The following RP1L1 variants were observed in gnomAD, a reference collection of about 807,000 sequenced individuals.
RP1L1 encodes the protein RP1 like 1.
RP1L1 carries 27 observed loss-of-function variants against 15.7 expected under a neutral mutation model. That is an observed-to-expected ratio of 1.72 (90% CI 1.27 to 2.38). RP1L1 has a LOEUF of 2.38. Ranked by LOEUF, RP1L1 falls within the 30% of genes most tolerant of loss-of-function variation. The pLI is 0.00. For missense variants in RP1L1, 4,798 were observed against 3,075.9 expected (o/e 1.56, Z -13.24); for synonymous variants, 1,813 against 1,276.7 (o/e 1.42, Z -8.96).
intron 1 of RP1L1, among the ~76,000 whole-genome samples, chr8:10,631,262 C>T (rs376493688): frequency 2.6e-5 from 4 of 150,976 alleles, no homozygotes; most frequent in Admixed American, 6.6e-5. Context: ...TGCACACACA[C>T]GCACACAAAC....
At chr8:10,623,937 C>A (rs893286359) in intron 1 of RP1L1, among the ~76,000 whole-genome samples, 1 of 151,246 alleles carries the variant, frequency 6.6e-6, no homozygotes, top group East Asian at 2.0e-4. Context: ...CCACTGTGTC[C>A]CCAGCACCTC....
At chr8:10,637,976 GCAA>G (rs1563138175) in intron 1 of RP1L1, among the ~76,000 whole-genome samples, 1 of 152,200 alleles carries the variant, frequency 6.6e-6, no homozygotes, top group East Asian at 1.9e-4. Context: ...GGTCCCCTTT[GCAA>G]CAAGAATAGG....
At chr8:10,614,647 T>TA (rs1797935873) in intron 3 of RP1L1, among the ~76,000 whole-genome samples, 1 of 111,010 alleles carries the variant, frequency 9.0e-6, no homozygotes, top group Admixed American at 1.3e-4. Flanking sequence ...GGTGACAGGG[T>TA]AAGATTCTGT....
chr8:10,631,510 G>T (rs563971269), intron 1 of RP1L1, among the ~76,000 whole-genome samples: 1 of 152,198 alleles, frequency 6.6e-6, no homozygotes, highest in Non-Finnish European at 1.5e-5. Flanking sequence ...TCTTTTCCGT[G>T]TATAGCAGGA....
chr8:10,632,433 C>A (rs1162585119), intron 1 of RP1L1, among the ~76,000 whole-genome samples: 2 of 152,224 alleles, frequency 1.3e-5, no homozygotes, highest in African/African-American at 4.8e-5. Flanking sequence ...CTGAGCTATG[C>A]AATCTGACTT....
chr8:10,650,375 C>G (rs1385377985), intron 1 of RP1L1, among the ~76,000 whole-genome samples: 1 of 152,126 alleles, frequency 6.6e-6, no homozygotes, highest in Non-Finnish European at 1.5e-5. Flanking sequence ...CAGCTTCGAC[C>G]AAAGGGGCCA....
intron 3 of RP1L1, among the ~76,000 whole-genome samples, chr8:10,614,336 A>G (rs1797929605): frequency 6.6e-6 from 1 of 152,214 alleles, no homozygotes; most frequent in South Asian, 2.1e-4. Context: ...AAGAGAAGAA[A>G]GGGCTGCTAA....
At chr8:10,618,804 G>C (rs1261679293) in intron 2 of RP1L1, among the ~76,000 whole-genome samples, 3 of 152,252 alleles carry the variant, frequency 2.0e-5, no homozygotes, top group Non-Finnish European at 4.4e-5. Context: ...CTCTCTTTCT[G>C]GTATGCTTTC....
intron 1 of RP1L1, among the ~76,000 whole-genome samples, chr8:10,639,091 G>A (rs1363036332): frequency 1.3e-5 from 2 of 151,820 alleles, no homozygotes; most frequent in Admixed American, 1.3e-4. Flanking sequence ...GTTGCAGTGA[G>A]CCGAGATCGG....
chr8:10,621,461 G>C, intron 2 of RP1L1: 1 of 299,774 alleles, frequency 3.3e-6, no homozygotes, highest in Non-Finnish European at 6.5e-6. Context: ...GAGTAGCTGG[G>C]ATTACAGGTG....
chr8:10,631,443 A>G (rs74627147), intron 1 of RP1L1, among the ~76,000 whole-genome samples: 5 of 121,884 alleles, frequency 4.1e-5, no homozygotes, highest in Admixed American at 2.3e-4. Context: ...ACACACACGC[A>G]CACACACACT....
At chr8:10,637,820 G>T (rs1798352013) in intron 1 of RP1L1, among the ~76,000 whole-genome samples, 1 of 152,194 alleles carries the variant, frequency 6.6e-6, no homozygotes, top group South Asian at 2.1e-4. Context: ...AGGAAAAATG[G>T]ATCAGCTTCA....
At chr8:10,625,491 A>G (rs1798142446) in intron 1 of RP1L1, among the ~76,000 whole-genome samples, 1 of 33,788 alleles carries the variant, frequency 3.0e-5, no homozygotes. Flanking sequence ...CTGGGGGTCA[A>G]GTGGGGAGCC....
chr8:10,638,852 C>G (rs949144581), intron 1 of RP1L1, among the ~76,000 whole-genome samples: 1 of 152,106 alleles, frequency 6.6e-6, no homozygotes, highest in African/African-American at 2.4e-5. Context: ...TCTGATAGAG[C>G]AAGCAAGCAC....
chr8:10,633,833 C>T (rs960577411), intron 1 of RP1L1, among the ~76,000 whole-genome samples: 2 of 152,214 alleles, frequency 1.3e-5, no homozygotes, highest in African/African-American at 4.8e-5. Flanking sequence ...CAATTAATCT[C>T]CACATAGTTC....
chr8:10,650,547 G>A (rs960315444), intron 1 of RP1L1, among the ~76,000 whole-genome samples: 9 of 150,180 alleles, frequency 6.0e-5, no homozygotes, highest in Admixed American at 2.7e-4. Flanking sequence ...GCAAGACTCC[G>A]TAGTTCTTTT....
Position 10,611,726 on chromosome 8 carries a change from C to G in RP1L1, c.2372G>C (p.Ser791Thr). The stretch of plus-strand genomic sequence containing the variant: ...CGTGTCCCTGGCCTCTTCCCCCAGG[C>G]TGGCAGCCCCAGATTTTGAGCAGGA... ...SDSCSKSGAA[S>T]LGEEARDTPQ... is the part of the protein sequence containing the mutation. The change falls in exon 4 of 4, where the codon AGC (serine) becomes ACC (threonine). Residue 791 changes from serine (S) to threonine (T), a missense_variant. Transcript: ENST00000382483. 1 of 1,613,582 alleles carries G rather than the reference C, an allele frequency of 6.2e-7. No individual in the cohort carries two copies. Among genetic ancestry groups the G allele is most frequent in the Non-Finnish European group, 8.5e-7 (1 of 1,179,966 alleles).
chr8:10,653,578 A>ACACACCCACACCCACATCACATGTGCG (rs1353691887), intron 1 of RP1L1, among the ~76,000 whole-genome samples: 3 of 151,958 alleles, frequency 2.0e-5, no homozygotes, highest in Non-Finnish European at 4.4e-5. Flanking sequence ...ACTCATGTGC[A>ACACACCCACACCCACATCACATGTGCG]CACACCCACA....
In RP1L1 at chr8:10,623,106, T is replaced by C. The variant is rs758542129; in HGVS notation, c.96A>G (p.Pro32=). 4.1e-5 allele frequency: 66 copies of C among 1,613,388 alleles called. No individual in the cohort carries two copies. Among genetic ancestry groups the C allele is most frequent in the Non-Finnish European group, 5.3e-5 (62 of 1,179,724 alleles). ...ARTPSVTKVT[P]AKKITFLKRG... is the part of the protein sequence containing the mutation. ...GCTTGAGGAAGGTGATCTTCTTGGC[T>C]GGCGTGACCTTGGTGACCGAGGGGG... Residue 32 remains proline, a synonymous_variant, in exon 2 of 4, where the codon CCA becomes CCG. Coordinates refer to ENST00000382483, the MANE Select transcript of RP1L1 (RefSeq NM_178857.6).
Sources: allele counts gnomAD v4.1 joint callset (sites outside exome capture counted in the v4.1 genomes callset), GRCh38; gene constraint gnomAD v4.1.1; transcripts MANE v1.5; gene names NCBI Gene and HGNC (gene_info 2026-07-23, HGNC 2026-07-21).